Variants in NKIRAS1 observed in about 807,000 individuals in gnomAD.
NKIRAS1 encodes NF-kappa-B inhibitor-interacting Ras-like protein 1.
Under a neutral mutation model 19.8 loss-of-function variants are expected in NKIRAS1, and 16 were observed. The observed-to-expected ratio is 0.81, with a 90% CI of 0.55 to 1.23. The LOEUF is 1.23. Among genes scored for constraint, NKIRAS1 ranks in the 50% most tolerant of loss-of-function variants. NKIRAS1 has a pLI of 0.00. For missense variants in NKIRAS1, 184 were observed against 220.0 expected (o/e 0.84, Z 1.04); for synonymous variants, 88 against 79.0 (o/e 1.11, Z -0.61).
upstream of NKIRAS1, chr3:23,918,839 G>A: frequency 1.9e-6 from 1 of 522,824 alleles, no homozygotes; most frequent in South Asian, 2.8e-5. Context: ...GGCCTGCACA[G>A]CCTAAAATAT....
At chr3:23,930,838 G>A (rs914366993) in intron 1 of NKIRAS1, among the ~76,000 whole-genome samples, 11 of 150,832 alleles carry the variant, frequency 7.3e-5, no homozygotes, top group African/African-American at 2.4e-4. Flanking sequence ...GAGTAGCTGG[G>A]ACTATAGGTG....
intron 1 of NKIRAS1, among the ~76,000 whole-genome samples, chr3:23,924,763 C>T (rs1412122989): frequency 2.6e-5 from 4 of 152,166 alleles, no homozygotes; most frequent in African/African-American, 9.7e-5. Context: ...TTCAACTGTT[C>T]ATTTTCGCCT....
At chr3:23,943,802 T>C (rs1187315527) in intron 1 of NKIRAS1, among the ~76,000 whole-genome samples, 2 of 152,094 alleles carry the variant, frequency 1.3e-5, no homozygotes, top group African/African-American at 4.8e-5. Flanking sequence ...GGGAACTGTG[T>C]TTAGAAGGGT....
At chr3:23,893,809 A>G (rs1288752746) in intron 4 of NKIRAS1, among the ~76,000 whole-genome samples, 2 of 151,010 alleles carry the variant, frequency 1.3e-5, no homozygotes, top group African/African-American at 4.9e-5. Context: ...AAAAAAAAAA[A>G]AAAAAAAAAA....
intron 1 of NKIRAS1, among the ~76,000 whole-genome samples, chr3:23,931,730 G>A (rs1328187773): frequency 1.3e-5 from 2 of 151,306 alleles, no homozygotes; most frequent in African/African-American, 4.9e-5. Flanking sequence ...GAGAGAGAGA[G>A]AGAGAGAAAG....
In NKIRAS1 at chr3:23,939,893, A is replaced by G. The variant is rs566779639; in HGVS notation, c.-140+6430T>C. 5.3e-5 allele frequency among the ~76,000 whole-genome samples: 8 copies of G among 152,354 alleles called. No individual in the cohort carries two copies. The East Asian group carries it at 1.5e-3, about 29-fold the overall frequency. On this transcript the variant is annotated intron_variant, in intron 1 of 4. Transcript: ENST00000421515. ...AACTCCTAGAATAATAATTTATCAA[A>G]CTGATTCAGGAAGACGAAGAAAGCC... is the stretch of plus-strand genomic sequence containing the variant.
At chr3:23,941,890 G>A (rs1361444239) in intron 1 of NKIRAS1, among the ~76,000 whole-genome samples, 1 of 152,148 alleles carries the variant, frequency 6.6e-6, no homozygotes, top group Non-Finnish European at 1.5e-5. Context: ...CTTTGCAATG[G>A]CTATTTTTCA....
Position 23,937,892 on chromosome 3 carries a change from G to A in NKIRAS1, c.-140+8431C>T, listed in dbSNP as rs147930394. Among the ~76,000 whole-genome samples the A allele has an allele frequency of 6.2e-4, 94 of 151,972 alleles. 1 individual carries two copies. Among genetic ancestry groups the A allele is most frequent in the African/African-American group, 2.2e-3 (92 of 41,424 alleles). ...GTGTAGACTGCATTCATTACATGTA[G>A]ACATAACCCTTTTACCTACTAGATT... On this transcript the variant is annotated intron_variant, in intron 1 of 4. Transcript: ENST00000421515.
chr3:23,911,778 T>TC (rs1703763323), intron 1 of NKIRAS1, among the ~76,000 whole-genome samples: 1 of 148,444 alleles, frequency 6.7e-6, no homozygotes, highest in Non-Finnish European at 1.5e-5. Context: ...TTTTTTTTTT[T>TC]TTGAGACAGG....
Position 23,945,535 on chromosome 3 carries a change from C to T in NKIRAS1, c.-140+788G>A, listed in dbSNP as rs1372817104. 4.4e-6 allele frequency: 5 copies of T among 1,135,712 alleles called. No individual in the cohort carries two copies. In the African/African-American group the frequency reaches 6.6e-5, roughly 15 times the overall value. The allele number at this position is 1,135,712 out of a possible 1,614,324, so 70.4% of individuals were successfully genotyped here. A position where few individuals can be genotyped will look rare whatever the true frequency, so the allele number is the denominator to read the frequency against. ...GAGGCGGCGGCGGCGGCGCTGCCCC[C>T]TCTGCGGGAAGCGGGCGGCCCCGGC... On this transcript the variant is annotated intron_variant, in intron 1 of 4. Transcript: ENST00000421515.
chr3:23,942,407 C>T (rs1705518256), intron 1 of NKIRAS1, among the ~76,000 whole-genome samples: 1 of 152,152 alleles, frequency 6.6e-6, no homozygotes, highest in Admixed American at 6.5e-5. Flanking sequence ...TACACTGATA[C>T]ATCATTCAAA....
Position 23,932,542 on chromosome 3 carries a change from G to T in NKIRAS1, c.-140+13781C>A, listed in dbSNP as rs150743641. On this transcript the variant is annotated intron_variant, in intron 1 of 4. Transcript: ENST00000421515. ...CATCTCTACTAAAAAAACAAAATTA[G>T]CCGGGCGTGGTGGTGCATGCCTGTA... Among the ~76,000 whole-genome samples, 94 of 152,100 alleles carry T rather than the reference G, an allele frequency of 6.2e-4. 1 individual carries two copies. Among genetic ancestry groups the T allele is most frequent in the African/African-American group, 2.2e-3 (92 of 41,498 alleles).
At position 23,910,047 on chromosome 3, in the gene NKIRAS1, C is replaced by T. The variant is rs1000161174; in HGVS notation, c.94+764G>A. Among the ~76,000 whole-genome samples the T allele has an allele frequency of 3.3e-5, 5 of 151,664 alleles. No homozygotes were observed. The East Asian group carries it at 5.8e-4, about 18-fold the overall frequency. The stretch of plus-strand genomic sequence containing the variant: ...CTAATTTTTGTATTTTTAGTAGAGA[C>T]GGGGTTTCACCATGTTGTCCAGGAT... On this transcript the variant is annotated intron_variant, in intron 3 of 4. Transcript: ENST00000425478.
chr3:23,943,203 C>T (rs925839379), intron 1 of NKIRAS1, among the ~76,000 whole-genome samples: 1 of 152,200 alleles, frequency 6.6e-6, no homozygotes, highest in Non-Finnish European at 1.5e-5. Context: ...CTTTAGTAAC[C>T]ACTGATCTTT....
chr3:23,896,701 T>G (rs1413496377), intron 4 of NKIRAS1, among the ~76,000 whole-genome samples: 1 of 151,604 alleles, frequency 6.6e-6, no homozygotes, highest in Admixed American at 6.6e-5. Context: ...TGGATGGGTG[T>G]GGTGGCTCAC....
intron 1 of NKIRAS1, chr3:23,945,743 TC>T: frequency 1.8e-6 from 1 of 544,598 alleles, no homozygotes; most frequent in Non-Finnish European, 2.6e-6. Context: ...CTGGCTCGGT[TC>T]CCATCGCCCC....
intron 3 of NKIRAS1, among the ~76,000 whole-genome samples, chr3:23,905,106 G>A (rs1702896309): frequency 2.0e-5 from 3 of 152,176 alleles, no homozygotes; most frequent in Admixed American, 2.0e-4. Context: ...TGGGATTCCA[G>A]TGGTGAGCCA....
chr3:23,939,099 T>A (rs1429589676), intron 1 of NKIRAS1, among the ~76,000 whole-genome samples: 2 of 152,318 alleles, frequency 1.3e-5, no homozygotes, highest in Admixed American at 6.5e-5. Flanking sequence ...GTCACTAAGT[T>A]ATGGGGTGAT....
In NKIRAS1 at chr3:23,897,904, C is replaced by A. The variant is rs144052628; in HGVS notation, c.336+2904G>T. Reference sequence around the variant, plus strand: ...CACATTCCCTGTACCTAGAACAATGCCTGGCACATAGTAGTTGCTAAATAA... The same window carrying A: ...CACATTCCCTGTACCTAGAACAATGACTGGCACATAGTAGTTGCTAAATAA... On this transcript the variant is annotated intron_variant, in intron 4 of 4. Transcript: ENST00000425478. Among the ~76,000 whole-genome samples, 355 of 152,280 alleles carry A rather than the reference C, an allele frequency of 2.3e-3. 1 individual carries two copies. Among genetic ancestry groups the A allele is most frequent in the African/African-American group, 8.2e-3 (339 of 41,540 alleles).
Sources: gnomAD v4.1 joint callset for allele counts (sites outside exome capture counted in the v4.1 genomes callset) on GRCh38, gnomAD v4.1.1 for gene constraint, MANE v1.5 for transcripts, NCBI Gene and HGNC (gene_info 2026-07-23, HGNC 2026-07-21) for gene names.